The following RBFOX1 variants were observed in gnomAD, a reference collection of about 807,000 sequenced individuals.
The protein encoded by RBFOX1 is RNA binding protein fox-1 homolog 1.
In RBFOX1, 8 loss-of-function variants were observed where a neutral mutation model predicts 57.7. The observed-to-expected ratio is 0.14, with a 90% confidence interval of 0.08 to 0.25. The LOEUF is 0.25. RBFOX1 is among the 10% of genes least tolerant of loss of function. The probability of loss-of-function intolerance (pLI) is 1.00; values close to 1 mark genes in which losing one functional copy is unlikely to be tolerated. For missense variants in RBFOX1, 611 were observed against 548.5 expected (o/e 1.11, Z -1.14); for synonymous variants, 326 against 222.4 (o/e 1.47, Z -4.15).
intron 4 of RBFOX1, among the ~76,000 whole-genome samples, chr16:7,131,751 C>T (rs2070472940): frequency 6.6e-6 from 1 of 152,026 alleles, no homozygotes; most frequent in Admixed American, 6.6e-5. Flanking sequence ...AAATTGGCCA[C>T]TCAGGTTCTC....
chr16:7,481,765 C>G (rs1055253928), intron 4 of RBFOX1, among the ~76,000 whole-genome samples: 1 of 152,126 alleles, frequency 6.6e-6, no homozygotes, highest in African/African-American at 2.4e-5. Flanking sequence ...CATAATAAGT[C>G]AAAAATGCAC....
chr16:6,839,350 T>A (rs1429112760), intron 3 of RBFOX1, among the ~76,000 whole-genome samples: 1 of 152,192 alleles, frequency 6.6e-6, no homozygotes, highest in Admixed American at 6.5e-5. Flanking sequence ...TTAACCCCAC[T>A]GACTCCATCT....
chr16:6,013,212 A>C (rs1294549411), intron 4 of RBFOX1, among the ~76,000 whole-genome samples: 2 of 152,198 alleles, frequency 1.3e-5, no homozygotes, highest in African/African-American at 4.8e-5. Flanking sequence ...GTTATTTCTA[A>C]AAGATGAATG....
intron 3 of RBFOX1, among the ~76,000 whole-genome samples, chr16:7,010,690 A>C (rs2153655052): frequency 6.6e-6 from 1 of 152,186 alleles, no homozygotes; most frequent in South Asian, 2.1e-4. Flanking sequence ...CAGCCTACCA[A>C]GTAGCTGGGA....
At chr16:7,561,313 T>C (rs2090300282) in intron 5 of RBFOX1, among the ~76,000 whole-genome samples, 1 of 152,248 alleles carries the variant, frequency 6.6e-6, no homozygotes, top group South Asian at 2.1e-4. Context: ...GCCCAACTAT[T>C]CACTCTATGG....
chr16:5,723,058 A>T (rs1396539044), intron 3 of RBFOX1, among the ~76,000 whole-genome samples: 1 of 152,146 alleles, frequency 6.6e-6, no homozygotes, highest in African/African-American at 2.4e-5. Flanking sequence ...CTGCTTTCCT[A>T]ATCTCCAGCA....
At chr16:7,597,269 G>T in intron 8 of RBFOX1, 102 bp from the exon 9 acceptor site, 1 of 787,748 alleles carries the variant, frequency 1.3e-6, no homozygotes, top group Non-Finnish European at 2.0e-6. Flanking sequence ...TTACTTTTTA[G>T]TTTTCTTTTT....
rs2097144659 is a variant in RBFOX1 at position 6,559,119 on chromosome 16, GT to G, written c.-63-95483del. 2.3e-5 allele frequency among the ~76,000 whole-genome samples: 3 copies of G among 131,658 alleles called. No individual in the cohort carries two copies. The South Asian group carries it at 6.6e-4, about 29-fold the overall frequency. 86.4% of individuals were successfully genotyped at this position (131,658 alleles called of 152,430 possible). On this transcript the variant is annotated intron_variant, in intron 2 of 15. Transcript: ENST00000550418. Reference sequence around the variant, plus strand: ...CCAGTTTATATATACATATGTGTGTGTGTGTGTGTGTGTGTATATACATATG... The same window carrying G: ...CCAGTTTATATATACATATGTGTGTGGTGTGTGTGTGTGTATATACATATG...
At chr16:6,898,529 C>G (rs568804705) in intron 3 of RBFOX1, among the ~76,000 whole-genome samples, 2 of 152,088 alleles carry the variant, frequency 1.3e-5, no homozygotes, top group Admixed American at 6.6e-5. Context: ...AAAGTACAGA[C>G]GCAAAGGAAA....
At chr16:6,719,240 A>G (rs2065448863) in intron 3 of RBFOX1, among the ~76,000 whole-genome samples, 1 of 152,140 alleles carries the variant, frequency 6.6e-6, no homozygotes, top group Non-Finnish European at 1.5e-5. Context: ...AGTATTCAAT[A>G]TTAAATAGTA....
At chr16:6,100,613 C>G (rs143031377) in intron 1 of RBFOX1, among the ~76,000 whole-genome samples, 5 of 152,098 alleles carry the variant, frequency 3.3e-5, no homozygotes, top group African/African-American at 7.2e-5. Context: ...CACATAATAA[C>G]GAATATTTAT....
Position 5,865,866 on chromosome 16 carries a change from G to T in RBFOX1, c.319-1437G>T, listed in dbSNP as rs1196602467. ...TTGGGTTGTAGGTGGCTGCCTTCTT[G>T]CTGTGTCTGCATGTGGCCTTTCCTG... On this transcript the variant is annotated intron_variant, in intron 3 of 19. Coordinates refer to the RBFOX1 transcript ENST00000641259. Among the ~76,000 whole-genome samples the T allele has an allele frequency of 3.9e-5, 6 of 152,218 alleles. No homozygotes were observed. The East Asian group carries it at 1.2e-3, about 29-fold the overall frequency.
At chr16:6,789,461 T>G (rs1225046199) in intron 3 of RBFOX1, among the ~76,000 whole-genome samples, 1 of 152,122 alleles carries the variant, frequency 6.6e-6, no homozygotes, top group Non-Finnish European at 1.5e-5. Context: ...ACACTAATGG[T>G]GTCAAGTTGG....
chr16:7,429,667 A>G (rs1250719142), intron 4 of RBFOX1, among the ~76,000 whole-genome samples: 1 of 152,164 alleles, frequency 6.6e-6, no homozygotes, highest in Non-Finnish European at 1.5e-5. Context: ...CCATATAACC[A>G]TCATGGGACA....
intron 4 of RBFOX1, among the ~76,000 whole-genome samples, chr16:7,506,472 A>G (rs899983976): frequency 6.6e-6 from 1 of 152,150 alleles, no homozygotes; most frequent in Non-Finnish European, 1.5e-5. Flanking sequence ...TGAATTTTGT[A>G]TGCTTGGTGC....
chr16:5,751,112 G>T (rs1323488342), intron 3 of RBFOX1, among the ~76,000 whole-genome samples: 2 of 152,246 alleles, frequency 1.3e-5, no homozygotes, highest in East Asian at 3.9e-4. Context: ...TAAAGTGCTG[G>T]GATTACAGGC....
At chr16:6,524,527 A>G (rs926405009) in intron 2 of RBFOX1, among the ~76,000 whole-genome samples, 5 of 152,084 alleles carry the variant, frequency 3.3e-5, no homozygotes, top group African/African-American at 4.8e-5. Flanking sequence ...AACATTTAGG[A>G]TGAGGGTAAG....
At chr16:5,503,389 C>T (rs2043266719) in intron 2 of RBFOX1, among the ~76,000 whole-genome samples, 1 of 152,160 alleles carries the variant, frequency 6.6e-6, no homozygotes, top group Non-Finnish European at 1.5e-5. Context: ...ATTCACACAC[C>T]ATATAATTCA....
chr16:7,382,832 A>G (rs919042795), intron 4 of RBFOX1, among the ~76,000 whole-genome samples: 6 of 152,358 alleles, frequency 3.9e-5, no homozygotes, highest in South Asian at 4.1e-4. Context: ...ACTTCAGAGT[A>G]AATTGCTCCC....
Sources: allele counts gnomAD v4.1 joint callset (sites outside exome capture counted in the v4.1 genomes callset), GRCh38; gene constraint gnomAD v4.1.1; transcripts MANE v1.5; gene names NCBI Gene and HGNC (gene_info 2026-07-23, HGNC 2026-07-21).